VCP: variants seen among roughly 807,000 people sequenced by gnomAD.
VCP encodes the protein valosin containing protein.
In VCP, 6 loss-of-function variants were observed where a neutral mutation model predicts 85.7. The ratio of observed to expected loss-of-function variants is 0.07; its 90% CI spans 0.04 to 0.14. The LOEUF (loss-of-function observed/expected upper bound fraction) is 0.14, where lower values mean the gene tolerates loss of function less well. Ranked by LOEUF, VCP falls within the 10% of genes least tolerant of loss-of-function variation. VCP has a pLI of 1.00. For synonymous variants in VCP, 384 were observed against 367.1 expected (o/e 1.05, Z -0.53); for missense variants, 353 against 1,043.4 (o/e 0.34, Z 9.12).
chr9:35,066,264 CTTTTT>C (rs34301260), intron 4 of VCP, among the ~76,000 whole-genome samples: 1 of 132,828 alleles, frequency 7.5e-6, no homozygotes, highest in Non-Finnish European at 1.6e-5. Flanking sequence ...GACCCTGTCT[CTTTTT>C]TTTTTTTTTT....
Position 35,068,078 on chromosome 9 carries a change from T to G in VCP, c.130-15A>C, listed in dbSNP as rs761138943. ...TCCATCTTGGGCTGAGGAAAGAAAG[T>G]TAAGGCCTTTGGGTCATTGGGCTGA... On this transcript the variant is annotated splice_polypyrimidine_tract_variant and intron_variant, in intron 2 of 16. Coordinates refer to ENST00000358901, the MANE Select transcript of VCP (RefSeq NM_007126.5). The G allele has an allele frequency of 1.2e-6, 2 of 1,614,052 alleles. No homozygotes were observed. Among genetic ancestry groups the G allele is most frequent in the African/African-American group, 2.7e-5 (2 of 74,926 alleles).
intron 10 of VCP, among the ~76,000 whole-genome samples, 176 bp downstream of exon 10, chr9:35,061,401 C>A (rs1160095896): frequency 1.3e-5 from 2 of 152,194 alleles, no homozygotes; most frequent in Admixed American, 1.3e-4. Flanking sequence ...CTAAATGCAG[C>A]GTCAACTATG....
At position 35,060,599 on chromosome 9, in the gene VCP, C is replaced by T. The variant is rs138450723; in HGVS notation, c.1483-74G>A. 3,319 of 1,548,514 alleles carry T rather than the reference C, an allele frequency of 2.1e-3. 7 individuals are homozygous for T. Among genetic ancestry groups the T allele is most frequent in the Middle Eastern group, 0.013 (60 of 4,686 alleles). On this transcript the variant is annotated intron_variant, in intron 12 of 16. Transcript: ENST00000358901. ...GAAACCTAACTAAACAGAAGCATCC[C>T]CTCCATTATTTCATGGTGTACCCAA...
Position 35,056,818 on chromosome 9 carries a change from C to A in VCP, c.*299G>T, listed in dbSNP as rs1234301772. 2.5e-6 allele frequency: 1 copy of A among 400,568 alleles called. No homozygotes were observed. Among genetic ancestry groups the A allele is most frequent in the Non-Finnish European group, 4.8e-6 (1 of 209,564 alleles). 24.8% of individuals were successfully genotyped at this position (400,568 alleles called of 1,614,324 possible). A position where few individuals can be genotyped will look rare whatever the true frequency, so the allele number is the denominator to read the frequency against. The stretch of plus-strand genomic sequence containing the variant: ...GGCAGTAGTGCCTTGGTTCACACCC[C>A]ACACAGGTCCCCTGCACTGCCCCAA... On this transcript the variant is annotated 3_prime_UTR_variant, in exon 17 of 17. Coordinates refer to ENST00000358901, the MANE Select transcript of VCP (RefSeq NM_007126.5).
chr9:35,059,848 T>C lies in VCP; in HGVS notation c.1696-47A>G, dbSNP rs757084197. On this transcript the variant is annotated intron_variant, in intron 13 of 16. Coordinates refer to ENST00000358901, the MANE Select transcript of VCP (RefSeq NM_007126.5). The surrounding 1 kb of genome is among the most constrained non-coding windows in gnomAD (Gnocchi z 4.9). ...TCAAGCACTAACAAAACTAGATGTC[T>C]CTAGGCAAACGTGGTGGCTCACACC... 7.3e-5 allele frequency: 117 copies of C among 1,612,928 alleles called. No homozygotes were observed. Among genetic ancestry groups the C allele is most frequent in the Non-Finnish European group, 9.2e-5 (108 of 1,179,284 alleles).
Position 35,059,282 on chromosome 9 carries a change from G to A in VCP, c.2005-63C>T. ...CTCCTCTCGAGATACGCAGATCTTT[G>A]GGCTACCCGAGCACTCCCAACTACA... is the stretch of plus-strand genomic sequence containing the variant. On this transcript the variant is annotated intron_variant, in intron 14 of 16. Transcript: ENST00000358901. The surrounding 1 kb of genome is among the most constrained non-coding windows in gnomAD (Gnocchi z 4.9). The A allele has an allele frequency of 1.2e-6, 2 of 1,605,982 alleles. No individual in the cohort carries two copies. The highest frequency in any genetic ancestry group is 1.1e-5 in the South Asian group (1 of 90,014).
chr9:35,069,653 T>C lies in VCP; in HGVS notation c.18-1291A>G, dbSNP rs1259095128. Among the ~76,000 whole-genome samples the C allele has an allele frequency of 2.6e-5, 4 of 152,136 alleles. No individual in the cohort carries two copies. The East Asian group carries it at 7.7e-4, about 29-fold the overall frequency. On this transcript the variant is annotated intron_variant, in intron 1 of 16. Transcript: ENST00000358901. ...TTTTACTAGAGATGGGGTTTCACCA[T>C]GGTGGTCAGGCTGGTCTCGAACTCC...
chr9:35,066,215 G>A (rs1024796579), intron 4 of VCP, among the ~76,000 whole-genome samples: 3 of 151,582 alleles, frequency 2.0e-5, no homozygotes, highest in African/African-American at 7.3e-5. Context: ...TGGATCACTT[G>A]AGCCCAGCAG....
chr9:35,061,056 C>G lies in VCP; in HGVS notation c.1318G>C (p.Glu440Gln). 2 of 1,614,136 alleles carry G rather than the reference C, an allele frequency of 1.2e-6. No individual in the cohort carries two copies. Among genetic ancestry groups the G allele is most frequent in the Non-Finnish European group, 8.5e-7 (1 of 1,180,030 alleles). The change falls in exon 11 of 17, where the codon GAG (glutamate) becomes CAG (glutamine). Residue 440 changes from glutamate (E) to glutamine (Q), a missense_variant. Glu to Gln is a conservative substitution (Grantham distance 29). Around this residue, in one of 8 missense-constraint regions of VCP, gnomAD observed 22 missense variants for 31.2 expected, o/e 0.70. Coordinates refer to ENST00000358901, the MANE Select transcript of VCP (RefSeq NM_007126.5). ...IDLEDETIDA[E>Q]VMNSLAVTMD... ...GTAACTGCTAGAGAGTTCATGACCT[C>G]GGCATCAATGGTCTCATCCTCTAGG...
At chr9:35,068,430 A>C in intron 1 of VCP, 68 bp from the exon 2 acceptor site, 1 of 1,366,322 alleles carries the variant, frequency 7.3e-7, no homozygotes, top group East Asian at 2.3e-5. Context: ...TAAAACTCAT[A>C]CTTAGGAAAG....
chr9:35,063,764 ACT>A (rs1327707099), intron 6 of VCP, among the ~76,000 whole-genome samples: 1 of 152,114 alleles, frequency 6.6e-6, no homozygotes, highest in African/African-American at 2.4e-5. Context: ...ACCCTTTAAC[ACT>A]CTGAAAATTT....
At chr9:35,058,179 T>C (rs1374533267) in intron 15 of VCP, among the ~76,000 whole-genome samples, 2 of 152,108 alleles carry the variant, frequency 1.3e-5, no homozygotes, top group Admixed American at 6.5e-5. Flanking sequence ...GTGACTTATG[T>C]GACTACCTCC....
At chr9:35,068,130 T>C (rs958628135) in intron 2 of VCP, 67 bp from the exon 3 acceptor site, 19 of 1,611,184 alleles carry the variant, frequency 1.2e-5, no homozygotes, top group South Asian at 3.3e-5. Flanking sequence ...GCCCTGGAGA[T>C]TGGGATTCCC....
intron 1 of VCP, among the ~76,000 whole-genome samples, chr9:35,070,202 T>C (rs962564249): frequency 1.3e-5 from 2 of 152,156 alleles, no homozygotes; most frequent in Non-Finnish European, 2.9e-5. Flanking sequence ...GCTTCCCCCA[T>C]TCCAAAAGTC....
At chr9:35,067,772 A>C (rs1464390112) in intron 3 of VCP, 119 bp downstream of exon 3, 1 of 1,321,648 alleles carries the variant, frequency 7.6e-7, no homozygotes, top group African/African-American at 1.5e-5. Context: ...CATGACCAGG[A>C]GGCTTCCTGC....
At chr9:35,063,144 T>C (rs1828760246) in intron 6 of VCP, 64 bp from the exon 7 acceptor site, 1 of 1,458,048 alleles carries the variant, frequency 6.9e-7, no homozygotes, top group Non-Finnish European at 9.6e-7. Context: ...ATGGCTTGAC[T>C]AGCGCTCCAG....
chr9:35,071,969 C>G, intron 1 of VCP: 3 of 1,078,416 alleles, frequency 2.8e-6, no homozygotes, highest in Non-Finnish European at 3.4e-6. Flanking sequence ...GTAGGCCGGA[C>G]GGCAGACTGG....
chr9:35,060,750 T>C (rs778155449), intron 12 of VCP, 51 bp downstream of exon 12: 1 of 1,613,792 alleles, frequency 6.2e-7, no homozygotes, highest in Non-Finnish European at 8.5e-7. Flanking sequence ...ATCACCCAGA[T>C]CAATTACAAT....
At chr9:35,066,264 C>CT (rs34301260) in intron 4 of VCP, among the ~76,000 whole-genome samples, 128 of 132,840 alleles carry the variant, frequency 9.6e-4, no homozygotes, top group African/African-American at 2.8e-3. Context: ...GACCCTGTCT[C>CT]TTTTTTTTTT....
Sources: allele counts gnomAD v4.1 joint callset (sites outside exome capture counted in the v4.1 genomes callset), GRCh38; gene constraint gnomAD v4.1.1; regional missense constraint gnomAD v4.1.1; non-coding constraint Gnocchi (gnomAD v3.1); transcripts MANE v1.5; gene names NCBI Gene and HGNC (gene_info 2026-07-23, HGNC 2026-07-21).